Variants in AVL9 observed in about 807,000 individuals in gnomAD.
AVL9 encodes late secretory pathway protein AVL9 homolog.
A neutral mutation model predicts 79.2 loss-of-function variants in AVL9; 49 were observed. The ratio of observed to expected loss-of-function variants is 0.62; its 90% CI spans 0.49 to 0.79. AVL9 has a LOEUF of 0.79. AVL9 is among the 30% of genes least tolerant of loss of function. AVL9 has a pLI of 0.00. For missense variants in AVL9, 682 were observed against 776.8 expected (o/e 0.88, Z 1.45); for synonymous variants, 299 against 280.6 (o/e 1.07, Z -0.65).
At chr7:32,539,518 G>A (rs891924722) in intron 1 of AVL9, among the ~76,000 whole-genome samples, 13 of 152,108 alleles carry the variant, frequency 8.5e-5, no homozygotes, top group Non-Finnish European at 1.8e-4. Flanking sequence ...CCCAGTCTCC[G>A]GGAACATAAC....
chr7:32,508,139 G>A (rs1787493333), intron 1 of AVL9, among the ~76,000 whole-genome samples: 1 of 151,996 alleles, frequency 6.6e-6, no homozygotes, highest in African/African-American at 2.4e-5. Context: ...ACTTATATGT[G>A]CTGCAAATTC....
At chr7:32,505,477 C>T (rs1171451769) in intron 1 of AVL9, among the ~76,000 whole-genome samples, 1 of 151,346 alleles carries the variant, frequency 6.6e-6, no homozygotes, top group East Asian at 2.0e-4. Flanking sequence ...GAGCTGAGAT[C>T]ACGCCACTAT....
intron 1 of AVL9, among the ~76,000 whole-genome samples, chr7:32,522,356 TCA>T (rs1788198622): frequency 6.6e-6 from 1 of 152,204 alleles, no homozygotes; most frequent in South Asian, 2.1e-4. Context: ...CCATGGGAAC[TCA>T]CCTCTTGCAT....
At chr7:32,516,054 A>G (rs1787890621) in intron 1 of AVL9, among the ~76,000 whole-genome samples, 1 of 152,128 alleles carries the variant, frequency 6.6e-6, no homozygotes, top group Non-Finnish European at 1.5e-5. Flanking sequence ...GGCACCACTC[A>G]CCCCATTTGG....
chr7:32,584,114 A>T lies in AVL9; in HGVS notation c.*207A>T, dbSNP rs1791653877. 1.6e-6 allele frequency: 1 copy of T among 609,336 alleles called. No individual in the cohort carries two copies. Among genetic ancestry groups the T allele is most frequent in the African/African-American group, 1.9e-5 (1 of 54,024 alleles). 37.7% of individuals were successfully genotyped at this position (609,336 alleles called of 1,614,324 possible). ...GGATGGCTTTCCAGGTTGGGGTTTC[A>T]ATTGACTACTTTTATTTCAGTCTGA... On this transcript the variant is annotated 3_prime_UTR_variant, in exon 16 of 16. Coordinates refer to ENST00000318709, the MANE Select transcript of AVL9 (RefSeq NM_015060.3).
chr7:32,559,603 T>C, intron 10 of AVL9, 139 bp downstream of exon 10: 2 of 769,174 alleles, frequency 2.6e-6, no homozygotes, highest in Non-Finnish European at 4.0e-6. Flanking sequence ...ACCAAATACA[T>C]AGTACTGTGG....
chr7:32,566,606 C>T (rs66943984), intron 10 of AVL9, among the ~76,000 whole-genome samples: 108,072 of 151,762 alleles, frequency 0.71, 38,986 homozygotes, highest in South Asian at 0.85. Flanking sequence ...TGGCCAGGTG[C>T]GGTGGCTCAC....
chr7:32,546,769 A>G (rs1789528507), intron 3 of AVL9, among the ~76,000 whole-genome samples: 1 of 152,142 alleles, frequency 6.6e-6, no homozygotes, highest in South Asian at 2.1e-4. Context: ...GGCTGCAGTG[A>G]GCCGAGATGG....
At chr7:32,515,222 C>T (rs967805083) in intron 1 of AVL9, among the ~76,000 whole-genome samples, 1 of 152,170 alleles carries the variant, frequency 6.6e-6, no homozygotes, top group Admixed American at 6.5e-5. Context: ...GCAAAATAAA[C>T]TTTCTAAATT....
chr7:32,539,583 G>T (rs1025745047), intron 1 of AVL9, among the ~76,000 whole-genome samples: 4 of 152,084 alleles, frequency 2.6e-5, no homozygotes, highest in African/African-American at 9.7e-5. Flanking sequence ...CTCTGGTTAG[G>T]GTGCCTCTGA....
rs373978450 is a variant in AVL9, at chr7:32,513,731, G to A, written c.93+17929G>A. Among the ~76,000 whole-genome samples the A allele has an allele frequency of 2.1e-4, 32 of 152,298 alleles. 2 individuals are homozygous for A. The South Asian group carries it at 6.2e-3, about 30-fold the overall frequency. ...CGAAAAGTGGGCCCAGGGGACCAGC[G>A]CTCAGCAAGTTAGGACCTGCACCAG... On this transcript the variant is annotated intron_variant, in intron 1 of 15. Coordinates refer to ENST00000318709, the MANE Select transcript of AVL9 (RefSeq NM_015060.3).
rs1224973846 is a variant in AVL9 at position 32,495,505 on chromosome 7, C to G, written c.-205C>G. The G allele has an allele frequency of 5.1e-6, 2 of 389,728 alleles. No individual in the cohort carries two copies. The highest frequency in any genetic ancestry group is 9.1e-6 in the Non-Finnish European group (2 of 220,282). The allele number at this position is 389,728 out of a possible 1,614,324, so 24.1% of individuals were successfully genotyped here. A position where few individuals can be genotyped will look rare whatever the true frequency, so the allele number is the denominator to read the frequency against. On this transcript the variant is annotated 5_prime_UTR_variant, in exon 1 of 16. Coordinates refer to ENST00000318709, the MANE Select transcript of AVL9 (RefSeq NM_015060.3). ...GCGGCCGCCGTGTCAGGTGACAGCC[C>G]GGAAGCTGCGGAAGCGGATGAGGGA... is the stretch of plus-strand genomic sequence containing the variant.
chr7:32,527,198 C>G (rs1042556236), intron 1 of AVL9, among the ~76,000 whole-genome samples: 1 of 152,124 alleles, frequency 6.6e-6, no homozygotes, highest in African/African-American at 2.4e-5. Context: ...TGTGTGGCAC[C>G]TTTCTATCCA....
chr7:32,497,074 T>C (rs1477375099), intron 1 of AVL9, among the ~76,000 whole-genome samples: 10 of 151,934 alleles, frequency 6.6e-5, no homozygotes, highest in Admixed American at 3.3e-4. Context: ...CACTCCAGCC[T>C]GGGTGAGAGA....
At chr7:32,522,176 T>C (rs955573736) in intron 1 of AVL9, among the ~76,000 whole-genome samples, 4 of 152,174 alleles carry the variant, frequency 2.6e-5, no homozygotes, top group Admixed American at 1.3e-4. Flanking sequence ...GGGCACTGCC[T>C]AGTAGAGCTG....
intron 1 of AVL9, chr7:32,532,470 A>G (rs1018788875): frequency 2.0e-5 from 3 of 152,106 alleles, no homozygotes; most frequent in South Asian, 2.1e-4. Flanking sequence ...CTCCATCCCT[A>G]TCAATATATG....
chr7:32,577,645 C>T (rs1791161100), intron 13 of AVL9, among the ~76,000 whole-genome samples: 1 of 152,134 alleles, frequency 6.6e-6, no homozygotes, highest in Admixed American at 6.5e-5. Flanking sequence ...CTGGTCAGAT[C>T]TTTATCTGTC....
At chr7:32,558,416 A>T (rs1790179163) in intron 8 of AVL9, 143 bp from the exon 9 acceptor site, 4 of 558,874 alleles carry the variant, frequency 7.2e-6, no homozygotes, top group Non-Finnish European at 1.2e-5. Context: ...CCGGCCTCCC[A>T]AAGTGCTGGG....
intron 1 of AVL9, among the ~76,000 whole-genome samples, chr7:32,527,088 G>A (rs1323251233): frequency 6.6e-6 from 1 of 152,182 alleles, no homozygotes; most frequent in Non-Finnish European, 1.5e-5. Context: ...GGCTGGTTTT[G>A]AGGGATAGAA....
Sources: gnomAD v4.1 joint callset for allele counts (sites outside exome capture counted in the v4.1 genomes callset) on GRCh38, gnomAD v4.1.1 for gene constraint, MANE v1.5 for transcripts, NCBI Gene and HGNC (gene_info 2026-07-23, HGNC 2026-07-21) for gene names.